The following ST7L variants were observed in gnomAD, a reference collection of about 807,000 sequenced individuals.
ST7L encodes the protein suppressor of tumorigenicity 7 protein-like.
A neutral mutation model predicts 72.5 loss-of-function variants in ST7L; 57 were observed. That is an observed-to-expected ratio of 0.79 (90% confidence interval 0.64 to 0.98). The LOEUF is 0.98. Ranked by LOEUF, ST7L falls within the 50% of genes least tolerant of loss-of-function variation. The probability of loss-of-function intolerance (pLI) is 0.00; values close to 1 mark genes in which losing one functional copy is unlikely to be tolerated. For missense variants in ST7L, 576 were observed against 672.2 expected (o/e 0.86, Z 1.58); for synonymous variants, 221 against 240.9 (o/e 0.92, Z 0.77).
intron 14 of ST7L, among the ~76,000 whole-genome samples, chr1:112,531,633 G>T (rs1222706419): frequency 6.6e-6 from 1 of 152,078 alleles, no homozygotes; most frequent in East Asian, 1.9e-4. Context: ...CATCTATTGT[G>T]GCAATAGCTT....
intron 11 of ST7L, among the ~76,000 whole-genome samples, chr1:112,558,912 C>A (rs1387590418): frequency 1.3e-5 from 2 of 152,094 alleles, no homozygotes; most frequent in Non-Finnish European, 2.9e-5. Context: ...TCTTTGCAAG[C>A]GCACTAAGAG....
intron 3 of ST7L, among the ~76,000 whole-genome samples, chr1:112,604,480 T>C (rs998942864): frequency 6.6e-6 from 1 of 151,948 alleles, no homozygotes; most frequent in Admixed American, 6.6e-5. Context: ...GAAGTGAACC[T>C]ATGGAACCAG....
intron 11 of ST7L, among the ~76,000 whole-genome samples, chr1:112,560,212 G>T (rs1387085266): frequency 6.6e-6 from 1 of 151,802 alleles, no homozygotes; most frequent in African/African-American, 2.4e-5. Context: ...GGCTAACACG[G>T]TGAAACCCCG....
At position 112,524,848 on chromosome 1, in the gene ST7L, TAAAAA is replaced by T. The variant is rs201567045; in HGVS notation, c.*1160_*1164del. The T allele has an allele frequency of 2.1e-5, 3 of 146,110 alleles. No individual in the cohort carries two copies. Among genetic ancestry groups the T allele is most frequent in the African/African-American group, 7.6e-5 (3 of 39,714 alleles). 9.1% of individuals were successfully genotyped at this position (146,110 alleles called of 1,614,324 possible). A position where few individuals can be genotyped will look rare whatever the true frequency, so the allele number is the denominator to read the frequency against. On this transcript the variant is annotated 3_prime_UTR_variant, in exon 15 of 15. Coordinates refer to ENST00000358039, the MANE Select transcript of ST7L (RefSeq NM_017744.5). Reference sequence around the variant, plus strand: ...TGCTCATCCTCCTCTCCCCAACAATTAAAAAAAAAAGCAATTAGATTTCGATCCAG... The same window carrying T: ...TGCTCATCCTCCTCTCCCCAACAATTAAAAAGCAATTAGATTTCGATCCAG...
At chr1:112,570,570 T>TATACACACACACAC (rs1183877129) in intron 11 of ST7L, among the ~76,000 whole-genome samples, 2 of 143,372 alleles carry the variant, frequency 1.4e-5, no homozygotes, top group African/African-American at 5.2e-5. Context: ...TATATATATA[T>TATACACACACACAC]ACACACACAC....
chr1:112,576,113 G>A (rs1275553285), intron 11 of ST7L, among the ~76,000 whole-genome samples: 1 of 151,332 alleles, frequency 6.6e-6, no homozygotes, highest in Non-Finnish European at 1.5e-5. Context: ...TTTTTGAGAT[G>A]GGGTTTCACT....
At chr1:112,587,260 T>C (rs1294511870) in intron 6 of ST7L, among the ~76,000 whole-genome samples, 3 of 152,218 alleles carry the variant, frequency 2.0e-5, no homozygotes, top group African/African-American at 7.2e-5. Flanking sequence ...TCCACCATCA[T>C]TGTTGAAAAG....
At chr1:112,547,806 C>T (rs1189032353) in intron 13 of ST7L, among the ~76,000 whole-genome samples, 4 of 151,438 alleles carry the variant, frequency 2.6e-5, no homozygotes, top group East Asian at 2.0e-4. Context: ...TCAGGTGATC[C>T]GCTCGCTTCA....
At chr1:112,584,209 A>G (rs1664536507) in intron 6 of ST7L, 83 bp from the exon 7 acceptor site, 2 of 1,375,174 alleles carry the variant, frequency 1.5e-6, no homozygotes, top group Admixed American at 2.7e-5. Context: ...GCTCTATGTC[A>G]TATTTCCTTA....
At chr1:112,530,308 C>T (rs1238851956) in intron 14 of ST7L, 1 of 152,122 alleles carries the variant, frequency 6.6e-6, no homozygotes, top group Non-Finnish European at 1.5e-5. Context: ...TAGCCTTGGG[C>T]CTGCTCTTCT....
rs745532469 is a variant in ST7L at position 112,555,776 on chromosome 1, T to C, written c.1396+92A>G. ...AACCAATCTGAACGACAAATCCTTA[T>C]GGAAACCCAGACAATCTCATTTAAA... is the stretch of plus-strand genomic sequence containing the variant. On this transcript the variant is annotated intron_variant, in intron 12 of 14. Coordinates refer to ENST00000358039, the MANE Select transcript of ST7L (RefSeq NM_017744.5). 4.9e-5 allele frequency: 61 copies of C among 1,246,350 alleles called. No homozygotes were observed. In the South Asian group the frequency reaches 7.6e-4, roughly 16 times the overall value. 77.2% of individuals were successfully genotyped at this position (1,246,350 alleles called of 1,614,324 possible).
chr1:112,545,198 A>G (rs1464005322), intron 13 of ST7L, among the ~76,000 whole-genome samples: 1 of 152,156 alleles, frequency 6.6e-6, no homozygotes, highest in Non-Finnish European at 1.5e-5. Context: ...AGAACATAAA[A>G]TATAATCAAA....
chr1:112,525,525 C>CCGCCG lies in ST7L; in HGVS notation c.*487_*488insCGGCG. On this transcript the variant is annotated 3_prime_UTR_variant, in exon 15 of 15. Transcript: ENST00000358039. ...ATATTATCTCTGAGCATCTCGGTGG[C>CCGCCG]TATTCCTCATTTACTTAAGATGTTT... 6.6e-6 allele frequency: 1 copy of CCGCCG among 151,148 alleles called. No homozygotes were observed. The highest frequency in any genetic ancestry group is 6.6e-5 in the Admixed American group (1 of 15,230). 9.4% of individuals were successfully genotyped at this position (151,148 alleles called of 1,614,324 possible). A position where few individuals can be genotyped will look rare whatever the true frequency, so the allele number is the denominator to read the frequency against.
rs753703436 is a variant in ST7L at position 112,582,112 on chromosome 1, T to C, written c.955-6A>G. 1.3e-5 allele frequency: 20 copies of C among 1,561,454 alleles called. No individual in the cohort carries two copies. Among genetic ancestry groups the C allele is most frequent in the Admixed American group, 1.7e-5 (1 of 59,408 alleles). On this transcript the variant is annotated splice_polypyrimidine_tract_variant and splice_region_variant and intron_variant, in intron 8 of 14. Transcript: ENST00000358039. Reference sequence around the variant, plus strand: ...GGAGGAAATTCTTTCATCAACTGTATATTAAAAGGAAAAGAAAGATTAAAA... The same window carrying C: ...GGAGGAAATTCTTTCATCAACTGTACATTAAAAGGAAAAGAAAGATTAAAA...
At chr1:112,550,448 T>C (rs914942780) in intron 13 of ST7L, among the ~76,000 whole-genome samples, 153 bp downstream of exon 13, 2 of 152,204 alleles carry the variant, frequency 1.3e-5, no homozygotes, top group Admixed American at 1.3e-4. Context: ...AGGAAATAAA[T>C]TGAATTATAC....
intron 11 of ST7L, among the ~76,000 whole-genome samples, chr1:112,562,310 C>T (rs1251776275): frequency 2.6e-5 from 4 of 152,056 alleles, no homozygotes; most frequent in African/African-American, 9.7e-5. Flanking sequence ...AATGCAGTTC[C>T]AAACTACAGA....
chr1:112,535,434 A>T (rs1054033440), intron 14 of ST7L, among the ~76,000 whole-genome samples: 1 of 151,464 alleles, frequency 6.6e-6, no homozygotes, highest in African/African-American at 2.4e-5. Flanking sequence ...GAAGAAGAAG[A>T]AGTACATTGA....
In ST7L at chr1:112,578,361, T is replaced by C. The variant is rs115769677; in HGVS notation, c.1126A>G (p.Arg376Gly). 53 of 1,614,144 alleles carry C rather than the reference T, an allele frequency of 3.3e-5. No individual in the cohort carries two copies. The highest frequency in any genetic ancestry group is 2.5e-4 in the South Asian group (23 of 91,074). Reference sequence around the variant, plus strand: ...AACACGTACTTTTCTGAAACAGTCCTTGTCTTCAACAGTGCTGCTGTGTAA... The same window carrying C: ...AACACGTACTTTTCTGAAACAGTCCCTGTCTTCAACAGTGCTGCTGTGTAA... ...ICYTAALLKT[R>G]TVSEKFSPET... is the part of the protein sequence containing the mutation. Residue 376 changes from arginine to glycine, a missense_variant, in exon 10 of 15, where the codon AGG becomes GGG. Arg to Gly is a moderately radical substitution (Grantham distance 125, BLOSUM62 -2). Transcript: ENST00000358039.
chr1:112,597,944 T>C, intron 5 of ST7L, 27 bp downstream of exon 5: 1 of 1,529,894 alleles, frequency 6.5e-7, no homozygotes, highest in South Asian at 1.2e-5. Flanking sequence ...GATCACTGTT[T>C]ATACTATGAA....
Sources: allele counts gnomAD v4.1 joint callset (sites outside exome capture counted in the v4.1 genomes callset), GRCh38; gene constraint gnomAD v4.1.1; transcripts MANE v1.5; gene names NCBI Gene and HGNC (gene_info 2026-07-23, HGNC 2026-07-21).